The following TBC1D17 variants were observed in gnomAD, a reference collection of about 807,000 sequenced individuals.
The protein encoded by TBC1D17 is TBC1 domain family member 17.
In TBC1D17, 69 loss-of-function variants were observed where a neutral mutation model predicts 78.8. The observed-to-expected ratio is 0.88, with a 90% CI of 0.72 to 1.07. The LOEUF (loss-of-function observed/expected upper bound fraction) is 1.07. Ranked by LOEUF, TBC1D17 falls within the 50% of genes least tolerant of loss-of-function variation. TBC1D17 has a pLI of 0.00. For missense variants in TBC1D17, 957 were observed against 861.0 expected, an observed-to-expected ratio of 1.11 and a Z score of -1.39; for synonymous variants, 456 against 358.3, an observed-to-expected ratio of 1.27 and a Z score of -3.08.
chr19:49,885,058 T>C, intron 13 of TBC1D17: 1 of 395,474 alleles, frequency 2.5e-6, no homozygotes, highest in Non-Finnish European at 4.7e-6. Context: ...TCCTGCCACT[T>C]CTTATCCCCA....
intron 15 of TBC1D17, 120 bp from the exon 16 acceptor site, chr19:49,888,111 C>A (rs1252939946): frequency 6.7e-7 from 1 of 1,489,366 alleles, no homozygotes; most frequent in South Asian, 1.3e-5. Context: ...CAGCGCACTT[C>A]TGAGCCCCCA....
At position 49,881,453 on chromosome 19, in the gene TBC1D17, A is replaced by G. The variant is rs752397818; in HGVS notation, c.505A>G (p.Ser169Gly). The G allele has an allele frequency of 6.2e-7, 1 of 1,610,304 alleles. No individual in the cohort carries two copies. Among genetic ancestry groups the G allele is most frequent in the South Asian group, 1.1e-5 (1 of 91,034 alleles). Reference protein sequence around the residue: ...GGTRALLRVLSRYLLLASSPQ... With the variant: ...GGTRALLRVLGRYLLLASSPQ... ...CACCCGCGCCCTGCTCCGCGTCCTC[A>G]GCCGCTACCTGCTGTTGGCCAGGTG... The change falls in exon 5 of 17, where the codon AGC (serine) becomes GGC (glycine). Residue 169 changes from serine (S) to glycine (G), a missense_variant. Physicochemically the swap from Ser to Gly is moderately conservative, Grantham distance 56. Coordinates refer to ENST00000221543, the MANE Select transcript of TBC1D17 (RefSeq NM_024682.3).
At position 49,878,254 on chromosome 19, in the gene TBC1D17, G is replaced by A. The variant is rs1005660949; in HGVS notation, c.120+13G>A. 2 of 1,554,240 alleles carry A rather than the reference G, an allele frequency of 1.3e-6. No individual in the cohort carries two copies. Among genetic ancestry groups the A allele is most frequent in the South Asian group, 1.2e-5 (1 of 84,622 alleles). On this transcript the variant is annotated intron_variant, in intron 2 of 16. Transcript: ENST00000221543. ...TGTCGTGGAAAAGGTGCGCTGGGAG[G>A]GAGCAGGGCTCGGACCCGCTCCGAG...
intron 13 of TBC1D17, 84 bp from the exon 14 acceptor site, chr19:49,887,392 G>A: frequency 7.1e-7 from 1 of 1,405,012 alleles, no homozygotes; most frequent in South Asian, 1.2e-5. Flanking sequence ...CTAGACTTGG[G>A]GAAGGTCTTC....
chr19:49,879,763 C>A (rs2074994819), intron 3 of TBC1D17, among the ~76,000 whole-genome samples: 1 of 151,942 alleles, frequency 6.6e-6, no homozygotes, highest in South Asian at 2.1e-4. Flanking sequence ...TGGACCTCCC[C>A]ATGCAGTGGG....
Position 49,878,523 on chromosome 19 carries a change from C to T in TBC1D17, c.146C>T (p.Ala49Val), listed in dbSNP as rs968148616. The change falls in exon 3 of 17, where the codon GCT (alanine) becomes GTT (valine). Residue 49 changes from alanine (A) to valine (V), a missense_variant. Coordinates refer to ENST00000221543, the MANE Select transcript of TBC1D17 (RefSeq NM_024682.3). ...EKDNDVLLHW[A>V]PVEEAGDSTQ... Reference sequence around the variant, plus strand: ...GACAATGACGTCCTCCTGCACTGGGCTCCTGTAGAGGAGGCTGGAGATTCC... The same window carrying T: ...GACAATGACGTCCTCCTGCACTGGGTTCCTGTAGAGGAGGCTGGAGATTCC... 13 of 1,614,044 alleles carry T rather than the reference C, an allele frequency of 8.1e-6. No homozygotes were observed. The highest frequency in any genetic ancestry group is 2.7e-5 in the African/African-American group (2 of 74,942).
chr19:49,885,893 C>T (rs995256627), intron 13 of TBC1D17, among the ~76,000 whole-genome samples: 3 of 147,940 alleles, frequency 2.0e-5, no homozygotes, highest in African/African-American at 5.1e-5. Context: ...AAGAATCACT[C>T]GAACTGGAGT....
chr19:49,887,289 T>C, intron 13 of TBC1D17, 187 bp from the exon 14 acceptor site: 2 of 611,722 alleles, frequency 3.3e-6, no homozygotes, highest in Non-Finnish European at 2.9e-6. Context: ...GCACACTTCC[T>C]CTGGAGAGTG....
At chr19:49,881,586 G>A in intron 5 of TBC1D17, 111 bp downstream of exon 5, 1 of 1,073,660 alleles carries the variant, frequency 9.3e-7, no homozygotes. Flanking sequence ...TTAAAGGCAG[G>A]CAAAGAGTTG....
At chr19:49,879,795 C>T (rs1273636849) in intron 3 of TBC1D17, among the ~76,000 whole-genome samples, 15 of 150,928 alleles carry the variant, frequency 9.9e-5, no homozygotes, top group Non-Finnish European at 1.8e-4. Flanking sequence ...CAAGTCCTGG[C>T]TCGCTCTCTG....
intron 5 of TBC1D17, 101 bp from the exon 6 acceptor site, chr19:49,881,940 T>G: frequency 9.7e-7 from 1 of 1,025,880 alleles, no homozygotes; most frequent in Admixed American, 1.8e-5. Context: ...CCAGGGGTGG[T>G]TGGGACGCTG....
rs1413267905 is a variant in TBC1D17, at chr19:49,882,853, G to A, written c.888G>A (p.Leu296=). The change falls in exon 8 of 17, where the codon CTG becomes CTA. Residue 296 remains leucine, a synonymous_variant. Transcript: ENST00000221543. ...GCCACGTGGGCCCTGAAGGTCGCCT[G>A]CAGCAGGTCCCTGAGCTGAAGAACC... The part of the protein sequence containing the change: ...WARHVGPEGR[L]QQVPELKNRI... 1 of 1,611,328 alleles carries A rather than the reference G, an allele frequency of 6.2e-7. No individual in the cohort carries two copies. The highest frequency in any genetic ancestry group is 8.5e-7 in the Non-Finnish European group (1 of 1,179,326).
intron 3 of TBC1D17, among the ~76,000 whole-genome samples, chr19:49,879,827 C>A (rs73594140): frequency 0.013 from 1,923 of 146,904 alleles, 48 homozygotes; most frequent in African/African-American, 0.045. Context: ...TGACCCTGAG[C>A]AAGTGCTGTA....
At position 49,888,496 on chromosome 19, in the gene TBC1D17, G is replaced by A. The variant is rs2075085882; in HGVS notation, c.1819G>A (p.Ala607Thr). Residue 607 changes from alanine (A) to threonine (T), a missense_variant, in exon 17 of 17, where the codon GCC (alanine) becomes ACC (threonine). Coordinates refer to ENST00000221543, the MANE Select transcript of TBC1D17 (RefSeq NM_024682.3). ...PAEPHSPSPTASPLPLSPTRA... is the reference protein window; with the variant it reads ...PAEPHSPSPTTSPLPLSPTRA... ...AGAGCCCCACAGCCCCTCGCCCACC[G>A]CCTCCCCGCTGCCTCTGTCGCCCAC... 1.4e-6 allele frequency: 2 copies of A among 1,436,718 alleles called. No individual in the cohort carries two copies. Among genetic ancestry groups the A allele is most frequent in the Non-Finnish European group, 1.8e-6 (2 of 1,082,394 alleles). The allele number at this position is 1,436,718 out of a possible 1,614,324, so 89.0% of individuals were successfully genotyped here. A position where few individuals can be genotyped will look rare whatever the true frequency, so the allele number is the denominator to read the frequency against.
At position 49,878,126 on chromosome 19, in the gene TBC1D17, G is replaced by T. The variant is rs1164606566; in HGVS notation, c.22-17G>T. ...CCTCGCTTGGGCCCCAGCCCTCGCT[G>T]GTTCCCCCCAACTCAGGTGGTGTTT... On this transcript the variant is annotated splice_polypyrimidine_tract_variant and intron_variant, in intron 1 of 16. Transcript: ENST00000221543. 11 of 1,564,216 alleles carry T rather than the reference G, an allele frequency of 7.0e-6. No homozygotes were observed. The highest frequency in any genetic ancestry group is 9.5e-6 in the Non-Finnish European group (11 of 1,154,508).
intron 10 of TBC1D17, 26 bp from the exon 11 acceptor site, chr19:49,884,227 T>C (rs1230867702): frequency 6.2e-7 from 1 of 1,607,340 alleles, no homozygotes; most frequent in East Asian, 2.2e-5. Context: ...TTTCTCACCT[T>C]TGCACCCTGT....
At chr19:49,885,690 G>A (rs1204799719) in intron 13 of TBC1D17, among the ~76,000 whole-genome samples, 3 of 151,352 alleles carry the variant, frequency 2.0e-5, no homozygotes, top group Admixed American at 1.3e-4. Flanking sequence ...TAGCCTGGGC[G>A]CAATGTCATC....
At position 49,877,721 on chromosome 19, in the gene TBC1D17, A is replaced by G; in HGVS notation, c.-3A>G. ...CGGGGCAGTGGGGCCTTCGGCGGCG[A>G]CTATGGAAGGAGCCGGCTACAGGGT... On this transcript the variant is annotated 5_prime_UTR_variant, in exon 1 of 17. Coordinates refer to ENST00000221543, the MANE Select transcript of TBC1D17 (RefSeq NM_024682.3). 1 of 1,600,574 alleles carries G rather than the reference A, an allele frequency of 6.2e-7. No individual in the cohort carries two copies. Among genetic ancestry groups the G allele is most frequent in the Non-Finnish European group, 8.5e-7 (1 of 1,174,452 alleles).
chr19:49,888,482 G>T lies in TBC1D17; in HGVS notation c.1805G>T (p.Ser602Ile). The T allele has an allele frequency of 1.3e-6, 2 of 1,587,230 alleles. No homozygotes were observed. Among genetic ancestry groups the T allele is most frequent in the South Asian group, 1.1e-5 (1 of 88,560 alleles). The change falls in exon 17 of 17, where the codon AGC becomes ATC. Residue 602 changes from serine to isoleucine, a missense_variant. Ser to Ile is a moderately radical substitution (Grantham distance 142). Coordinates refer to ENST00000221543, the MANE Select transcript of TBC1D17 (RefSeq NM_024682.3). ...CTGGCCCCGCCCGCAGAGCCCCACA[G>T]CCCCTCGCCCACCGCCTCCCCGCTG... ...LGLAPPAEPH[S>I]PSPTASPLPL... is the part of the protein sequence containing the mutation.
Sources: allele counts gnomAD v4.1 joint callset (sites outside exome capture counted in the v4.1 genomes callset), GRCh38; gene constraint gnomAD v4.1.1; transcripts MANE v1.5; gene names NCBI Gene and HGNC (gene_info 2026-07-23, HGNC 2026-07-21).